ROBO2: variants seen among roughly 807,000 people sequenced by gnomAD.
ROBO2 encodes roundabout homolog 2.
A neutral mutation model predicts 160.8 loss-of-function variants in ROBO2; 53 were observed. The ratio of observed to expected loss-of-function variants is 0.33; its 90% confidence interval spans 0.26 to 0.41. The LOEUF (loss-of-function observed/expected upper bound fraction) is 0.41. Ranked by LOEUF, ROBO2 falls within the 10% of genes least tolerant of loss-of-function variation. The probability of loss-of-function intolerance (pLI) is 1.00; values close to 1 mark genes in which losing one functional copy is unlikely to be tolerated. For missense variants in ROBO2, 1,577 were observed against 1,722.4 expected (o/e 0.92, Z 1.49); for synonymous variants, 664 against 611.7 (o/e 1.09, Z -1.26).
At chr3:76,074,237 G>C (rs1317311076) in intron 2 of ROBO2, among the ~76,000 whole-genome samples, 5 of 152,202 alleles carry the variant, frequency 3.3e-5, no homozygotes, top group African/African-American at 1.2e-4. Context: ...CAGAGTCCAT[G>C]AAGGTCATTT....
intron 2 of ROBO2, among the ~76,000 whole-genome samples, chr3:76,998,595 T>A (rs1386366761): frequency 6.6e-6 from 1 of 152,194 alleles, no homozygotes; most frequent in African/African-American, 2.4e-5. Flanking sequence ...GCTCATAACA[T>A]ACCGTGTGTA....
chr3:77,171,044 T>A (rs559310930), intron 2 of ROBO2, among the ~76,000 whole-genome samples: 16 of 152,284 alleles, frequency 1.1e-4, no homozygotes, highest in African/African-American at 3.1e-4. Flanking sequence ...CCGGTGAGAC[T>A]GGTCGATTCT....
chr3:76,448,045 T>A (rs1030397690), intron 2 of ROBO2, among the ~76,000 whole-genome samples: 17 of 150,428 alleles, frequency 1.1e-4, no homozygotes, highest in African/African-American at 3.2e-4. Flanking sequence ...AGTATATATA[T>A]AAAAAAAGAA....
chr3:76,008,263 A>G (rs551278430), intron 2 of ROBO2, among the ~76,000 whole-genome samples: 2 of 151,790 alleles, frequency 1.3e-5, no homozygotes, highest in Admixed American at 6.6e-5. Context: ...AAGAAAAGAA[A>G]AAAAAATCGC....
chr3:77,482,242 ACTT>A (rs2084794031), intron 4 of ROBO2, among the ~76,000 whole-genome samples: 1 of 152,094 alleles, frequency 6.6e-6, no homozygotes, highest in South Asian at 2.1e-4. Flanking sequence ...ATAATCCTCT[ACTT>A]CTGTGCATGA....
intron 2 of ROBO2, among the ~76,000 whole-genome samples, chr3:76,426,642 C>T (rs1204541898): frequency 6.6e-6 from 1 of 152,060 alleles, no homozygotes; most frequent in Non-Finnish European, 1.5e-5. Flanking sequence ...GGGAAGTGGG[C>T]TTAGATGAAA....
chr3:77,347,377 C>T (rs192051278), intron 2 of ROBO2, among the ~76,000 whole-genome samples: 71 of 152,048 alleles, frequency 4.7e-4, no homozygotes, highest in Middle Eastern at 3.4e-3. Context: ...TCATAATTTG[C>T]GCTTCCATGT....
At chr3:77,062,702 C>T (rs955508925) in intron 1 of ROBO2, among the ~76,000 whole-genome samples, 21 of 152,112 alleles carry the variant, frequency 1.4e-4, no homozygotes, top group African/African-American at 5.1e-4. Context: ...CACCACACTG[C>T]AAGGTACTTA....
chr3:76,304,664 T>A (rs1033182102), intron 2 of ROBO2, among the ~76,000 whole-genome samples: 2 of 152,188 alleles, frequency 1.3e-5, no homozygotes, highest in African/African-American at 4.8e-5. Flanking sequence ...CACAGCTAAG[T>A]TTGCCCTGAT....
Position 77,366,897 on chromosome 3 carries a change from C to CCCCCCT in ROBO2, c.389-110514_389-110513insCCTCCC, listed in dbSNP as rs1553924935. Among the ~76,000 whole-genome samples the CCCCCCT allele has an allele frequency of 6.4e-3, 965 of 151,660 alleles. 17 individuals carry two copies. The highest frequency in any genetic ancestry group is 0.022 in the African/African-American group (913 of 41,400). ...AATAGTGAGAACTCTCACAGCACCC[C>CCCCCCT]CCCGACACTCACAGTCCCCTGGAAT... On this transcript the variant is annotated intron_variant, in intron 2 of 25. Coordinates refer to ENST00000461745, the Ensembl canonical transcript of ROBO2.
intron 2 of ROBO2, among the ~76,000 whole-genome samples, chr3:76,345,488 A>G (rs2074478011): frequency 6.6e-6 from 1 of 150,876 alleles, no homozygotes; most frequent in African/African-American, 2.4e-5. Context: ...TTCAACAAGA[A>G]AACTATTATT....
chr3:76,450,102 A>G (rs1250333533), intron 2 of ROBO2, among the ~76,000 whole-genome samples: 1 of 152,170 alleles, frequency 6.6e-6, no homozygotes, highest in Non-Finnish European at 1.5e-5. Flanking sequence ...CGTTTGGAAG[A>G]AGAGTAGGTA....
chr3:76,315,062 G>A (rs1408332915), intron 2 of ROBO2, among the ~76,000 whole-genome samples: 1 of 151,650 alleles, frequency 6.6e-6, no homozygotes, highest in Non-Finnish European at 1.5e-5. Flanking sequence ...TAGTCAAAAC[G>A]TTGACCCCTT....
At chr3:75,938,628 T>G (rs1947902042) in intron 2 of ROBO2, among the ~76,000 whole-genome samples, 1 of 152,134 alleles carries the variant, frequency 6.6e-6, no homozygotes. Context: ...CTTTGCTAGT[T>G]TGAAGTATCT....
chr3:77,106,417 T>TA (rs1425641986), intron 2 of ROBO2, among the ~76,000 whole-genome samples: 1 of 111,286 alleles, frequency 9.0e-6, no homozygotes, highest in Non-Finnish European at 2.0e-5. Context: ...AAAATGTAGG[T>TA]AGGTTGACAT....
chr3:76,262,834 G>A lies in ROBO2; in HGVS notation c.109+325232G>A, dbSNP rs551030471. 4.3e-4 allele frequency among the ~76,000 whole-genome samples: 65 copies of A among 152,222 alleles called. No individual in the cohort carries two copies. The South Asian group carries it at 0.013, about 31-fold the overall frequency. The stretch of plus-strand genomic sequence containing the variant: ...ATCAGGACTTTGGGCTAACTACAGA[G>A]CAATTATGCTTGGTAGGGCACAGCT... On this transcript the variant is annotated intron_variant, in intron 2 of 26. Transcript: ENST00000487694.
intron 2 of ROBO2, among the ~76,000 whole-genome samples, chr3:76,720,938 A>C (rs2093455909): frequency 6.6e-6 from 1 of 152,218 alleles, no homozygotes; most frequent in Admixed American, 6.5e-5. Flanking sequence ...ACTACGACAC[A>C]CAAAAATATC....
At position 77,644,930 on chromosome 3, in the gene ROBO2, C is replaced by T. The variant is rs770116474; in HGVS notation, c.4135+26C>T. 8.7e-6 allele frequency: 14 copies of T among 1,603,764 alleles called. No individual in the cohort carries two copies. The South Asian group carries it at 1.3e-4, about 15-fold the overall frequency. On this transcript the variant is annotated intron_variant, in intron 25 of 25. Transcript: ENST00000461745. Reference sequence around the variant, plus strand: ...GTAAGTGCTTAGGTCATTTAAAAGGCTATCGTGATTCAGAAAGAATCTTGG... The same window carrying T: ...GTAAGTGCTTAGGTCATTTAAAAGGTTATCGTGATTCAGAAAGAATCTTGG...
intron 14 of ROBO2, among the ~76,000 whole-genome samples, chr3:77,575,409 G>A (rs548525201): frequency 8.5e-5 from 13 of 152,120 alleles, no homozygotes; most frequent in Admixed American, 3.3e-4. Flanking sequence ...TTCTGCTTTT[G>A]TATTAATTTT....
Sources: allele counts gnomAD v4.1 joint callset (sites outside exome capture counted in the v4.1 genomes callset), GRCh38; gene constraint gnomAD v4.1.1; transcripts MANE v1.5; gene names NCBI Gene and HGNC (gene_info 2026-07-23, HGNC 2026-07-21).